The following TASOR variants were observed in gnomAD, a reference collection of about 807,000 sequenced individuals.
TASOR encodes the protein protein TASOR.
A neutral mutation model predicts 178.6 loss-of-function variants in TASOR; 53 were observed. That is an observed-to-expected ratio of 0.30 (90% CI 0.24 to 0.37). The LOEUF is 0.37. TASOR is among the 10% of genes least tolerant of loss of function. The pLI is 1.00. For synonymous variants in TASOR, 713 were observed against 696.2 expected (o/e 1.02, Z -0.38); for missense variants, 1,815 against 1,971.4 (o/e 0.92, Z 1.50).
Position 56,648,892 on chromosome 3 carries a change from T to G in TASOR, c.1443A>C (p.Glu481Asp). 6.2e-7 allele frequency: 1 copy of G among 1,611,196 alleles called. No individual in the cohort carries two copies. The highest frequency in any genetic ancestry group is 8.5e-7 in the Non-Finnish European group (1 of 1,179,082). ...LSPYQMVPPY[E>D]YQTAKSRVLH... ...GGACTCGAGACTTGGCAGTCTGATA[T>G]TCTAAAAAACAGAAGCCAAACTCAT... The change falls in exon 13 of 24, where the codon GAA becomes GAC. Residue 481 changes from glutamate (E) to aspartate (D), a missense_variant and splice_region_variant. Coordinates refer to ENST00000683822, the MANE Select transcript of TASOR (RefSeq NM_001365635.2).
intron 1 of TASOR, 119 bp from the exon 2 acceptor site, chr3:56,673,844 CT>C: frequency 1.2e-6 from 1 of 857,504 alleles, no homozygotes; most frequent in Non-Finnish European, 1.7e-6. Flanking sequence ...TCAAGGCTAT[CT>C]TACTTTGTGA....
chr3:56,627,845 C>A, intron 19 of TASOR, 104 bp from the exon 20 acceptor site: 2 of 959,334 alleles, frequency 2.1e-6, no homozygotes, highest in South Asian at 3.2e-5. Flanking sequence ...CATTATGGCT[C>A]ATCTATATTA....
intron 8 of TASOR, 78 bp from the exon 9 acceptor site, chr3:56,662,568 G>T: frequency 1.7e-6 from 1 of 597,576 alleles, no homozygotes; most frequent in Non-Finnish European, 2.8e-6. Flanking sequence ...TTAGAAATGA[G>T]ACGGAAAATA....
intron 23 of TASOR, 92 bp downstream of exon 23, chr3:56,624,387 T>C: frequency 1.5e-6 from 2 of 1,360,814 alleles, no homozygotes; most frequent in Non-Finnish European, 2.0e-6. Flanking sequence ...AGGTACGTGG[T>C]TTCAAAATGG....
At position 56,668,643 on chromosome 3, in the gene TASOR, T is replaced by C. The variant is rs1335351402; in HGVS notation, c.736-85A>G. The C allele has an allele frequency of 4.9e-6, 5 of 1,015,186 alleles. No homozygotes were observed. The East Asian group carries it at 1.1e-4, about 22-fold the overall frequency. The allele number at this position is 1,015,186 out of a possible 1,614,324, so 62.9% of individuals were successfully genotyped here. A position where few individuals can be genotyped will look rare whatever the true frequency, so the allele number is the denominator to read the frequency against. On this transcript the variant is annotated intron_variant, in intron 5 of 23. Transcript: ENST00000683822. ...TAATATTATGAAATACTTCTTTGAA[T>C]ATAGATCAACTATCCCAACCATTTT...
At chr3:56,626,207 G>T (rs1214459829) in intron 21 of TASOR, among the ~76,000 whole-genome samples, 2 of 152,120 alleles carry the variant, frequency 1.3e-5, no homozygotes, top group Non-Finnish European at 2.9e-5. Flanking sequence ...AAACATGCCT[G>T]ATTACCATAA....
rs192141206 is a variant in TASOR, at chr3:56,625,783, C to T, written c.4140-777G>A. On this transcript the variant is annotated intron_variant, in intron 21 of 23. Coordinates refer to ENST00000683822, the MANE Select transcript of TASOR (RefSeq NM_001365635.2). The stretch of plus-strand genomic sequence containing the variant: ...GGACTACAGGTGTATGCCACCACAC[C>T]CAGCTAATTTTTGTATTTTTAGTAC... Among the ~76,000 whole-genome samples the T allele has an allele frequency of 3.1e-3, 469 of 152,036 alleles. 6 individuals are homozygous for T. Among genetic ancestry groups the T allele is most frequent in the African/African-American group, 0.01 (417 of 41,460 alleles).
chr3:56,658,051 T>G (rs1373254657), intron 11 of TASOR, among the ~76,000 whole-genome samples: 1 of 149,768 alleles, frequency 6.7e-6, no homozygotes, highest in South Asian at 2.1e-4. Context: ...AAACCTTGTG[T>G]GCATTTCTTG....
chr3:56,658,979 T>TGTGTGC (rs1341754655), intron 11 of TASOR, among the ~76,000 whole-genome samples: 2 of 148,386 alleles, frequency 1.3e-5, no homozygotes, highest in Admixed American at 6.7e-5. Context: ...TGTGTGTGTG[T>TGTGTGC]GCACGCGTGT....
intron 15 of TASOR, 145 bp from the exon 16 acceptor site, chr3:56,640,275 T>C (rs3732513): frequency 0.2 from 135,873 of 674,170 alleles, 18,070 homozygotes; most frequent in South Asian, 0.43. Flanking sequence ...ATACTCTAGT[T>C]TCAAAATTAA....
At chr3:56,681,630 A>C (rs541354321) in intron 1 of TASOR, among the ~76,000 whole-genome samples, 2 of 152,258 alleles carry the variant, frequency 1.3e-5, no homozygotes, top group Non-Finnish European at 2.9e-5. Flanking sequence ...TACGGGAAAA[A>C]AACAAATCCT....
chr3:56,667,015 C>T (rs1159175589), intron 6 of TASOR, among the ~76,000 whole-genome samples: 3 of 152,140 alleles, frequency 2.0e-5, no homozygotes, highest in Non-Finnish European at 4.4e-5. Flanking sequence ...AGTCCATTCC[C>T]CTGGGAAACT....
chr3:56,651,802 A>T (rs2107589926), intron 11 of TASOR, among the ~76,000 whole-genome samples: 1 of 152,360 alleles, frequency 6.6e-6, no homozygotes, highest in Non-Finnish European at 1.5e-5. Context: ...GAATTATCAG[A>T]TGCAAAAAGG....
intron 18 of TASOR, 92 bp from the exon 19 acceptor site, chr3:56,628,706 A>C (rs928806313): frequency 1.2e-6 from 1 of 801,342 alleles, no homozygotes; most frequent in African/African-American, 1.8e-5. Flanking sequence ...GATAAGCTTA[A>C]CTACTACCAT....
chr3:56,628,449 G>C, intron 19 of TASOR, 43 bp downstream of exon 19: 1 of 1,542,900 alleles, frequency 6.5e-7, no homozygotes, highest in Non-Finnish European at 8.8e-7. Flanking sequence ...TAAAATAAGG[G>C]AGTTTTTAAA....
At position 56,678,237 on chromosome 3, in the gene TASOR, A is replaced by G. The variant is rs968810541; in HGVS notation, c.331+4439T>C. ...TGCACTGTTGCCCGGGCTGGAGTGC[A>G]GTGGCGCGATCTTGGCTCACTGCAA... is the stretch of plus-strand genomic sequence containing the variant. On this transcript the variant is annotated intron_variant, in intron 1 of 23. Coordinates refer to ENST00000683822, the MANE Select transcript of TASOR (RefSeq NM_001365635.2). 5.4e-5 allele frequency among the ~76,000 whole-genome samples: 7 copies of G among 129,656 alleles called. 1 individual carries two copies. Among genetic ancestry groups the G allele is most frequent in the Admixed American group, 2.0e-4 (2 of 10,004 alleles). The allele number at this position is 129,656 out of a possible 152,430, so 85.1% of individuals were successfully genotyped here.
At chr3:56,674,725 T>C (rs2031122300) in intron 1 of TASOR, among the ~76,000 whole-genome samples, 1 of 152,280 alleles carries the variant, frequency 6.6e-6, no homozygotes, top group Middle Eastern at 3.4e-3. Flanking sequence ...ATATGTAAAA[T>C]GGCAAACTCC....
Position 56,675,544 on chromosome 3 carries a change from C to T in TASOR, c.332-1819G>A, listed in dbSNP as rs116441500. Among the ~76,000 whole-genome samples, 858 of 148,760 alleles carry T rather than the reference C, an allele frequency of 5.8e-3. 12 individuals are homozygous for T. Among genetic ancestry groups the T allele is most frequent in the African/African-American group, 0.021 (824 of 39,836 alleles). ...TTCTTGAGAATTACTGGTCTAGTAA[C>T]CTCAAATTTCCATCTTATGCACAAA... On this transcript the variant is annotated intron_variant, in intron 1 of 23. Coordinates refer to ENST00000683822, the MANE Select transcript of TASOR (RefSeq NM_001365635.2).
At position 56,630,739 on chromosome 3, in the gene TASOR, G is replaced by T. The variant is rs113723886; in HGVS notation, c.3748-2125C>A. On this transcript the variant is annotated intron_variant, in intron 18 of 23. Coordinates refer to ENST00000683822, the MANE Select transcript of TASOR (RefSeq NM_001365635.2). ...GGGTGCCTGCAATCCCAGCTATTTG[G>T]GAGGATGAGGCAGGAGAATTGCTTG... Among the ~76,000 whole-genome samples, 730 of 152,232 alleles carry T rather than the reference G, an allele frequency of 4.8e-3. 8 individuals carry two copies. The highest frequency in any genetic ancestry group is 0.016 in the African/African-American group (685 of 41,534).
Sources: gnomAD v4.1 joint callset for allele counts (sites outside exome capture counted in the v4.1 genomes callset) on GRCh38, gnomAD v4.1.1 for gene constraint, MANE v1.5 for transcripts, NCBI Gene and HGNC (gene_info 2026-07-23, HGNC 2026-07-21) for gene names.